The following SLC25A48 variants were observed in gnomAD, a reference collection of about 807,000 sequenced individuals.
SLC25A48 encodes CTC-321K16.1.
A neutral mutation model predicts 32.2 loss-of-function variants in SLC25A48; 29 were observed. The observed-to-expected ratio is 0.90, with a 90% confidence interval of 0.67 to 1.23. The LOEUF is 1.23. SLC25A48 is among the 50% of genes most tolerant of loss of function. SLC25A48 has a pLI of 0.00. For synonymous variants in SLC25A48, 164 were observed against 172.3 expected (o/e 0.95, Z 0.38); for missense variants, 399 against 422.7 (o/e 0.94, Z 0.49).
In SLC25A48 at chr5:135,769,238, CTG is replaced by C. The variant is rs1756333133; in HGVS notation, c.-520-43283_-520-43282del. ...AATATTGTAGGGGGTATGCAGCCCT[CTG>C]TAATTTTGTTTGCAATATTGGGGGG... On this transcript the variant is annotated intron_variant, in intron 3 of 10. Coordinates refer to the SLC25A48 transcript ENST00000646290. Among the ~76,000 whole-genome samples, 7 of 100,194 alleles carry C rather than the reference CTG, an allele frequency of 7.0e-5. No homozygotes were observed. The South Asian group carries it at 2.6e-3, about 37-fold the overall frequency. The allele number at this position is 100,194 out of a possible 152,430, so 65.7% of individuals were successfully genotyped here.
At chr5:135,641,257 A>C (rs1752830470) in intron 3 of SLC25A48, among the ~76,000 whole-genome samples, 1 of 152,246 alleles carries the variant, frequency 6.6e-6, no homozygotes, top group Admixed American at 6.5e-5. Context: ...GTCATGGAGA[A>C]ATAAATGTAG....
intron 3 of SLC25A48, among the ~76,000 whole-genome samples, chr5:135,791,762 G>T (rs543940434): frequency 6.6e-6 from 1 of 151,454 alleles, no homozygotes; most frequent in Non-Finnish European, 1.5e-5. Context: ...TGTCACAGGG[G>T]TTGTCTTTCC....
At chr5:135,630,712 C>T (rs1484350118) in intron 2 of SLC25A48, among the ~76,000 whole-genome samples, 2 of 146,788 alleles carry the variant, frequency 1.4e-5, no homozygotes, top group African/African-American at 2.5e-5. Flanking sequence ...AGTGATTCTC[C>T]TGCCTCAGTC....
intron 3 of SLC25A48, among the ~76,000 whole-genome samples, chr5:135,754,761 G>A (rs544949556): frequency 7.0e-6 from 1 of 143,562 alleles, no homozygotes; most frequent in Non-Finnish European, 1.5e-5. Context: ...TTATAATATC[G>A]AGTGTTTATA....
chr5:135,692,396 A>AC (rs5871574), intron 3 of SLC25A48, among the ~76,000 whole-genome samples: 119,411 of 151,514 alleles, frequency 0.79, 47,500 homozygotes, highest in Middle Eastern at 0.88. Flanking sequence ...GGATGAGCCA[A>AC]AAGGAGGGCC....
intron 3 of SLC25A48, among the ~76,000 whole-genome samples, chr5:135,680,204 G>A (rs1361801338): frequency 6.6e-6 from 1 of 152,180 alleles, no homozygotes; most frequent in Non-Finnish European, 1.5e-5. Flanking sequence ...TATGAAGGAG[G>A]TGAGTACCAG....
At chr5:135,737,484 A>T (rs1210542081) in intron 3 of SLC25A48, among the ~76,000 whole-genome samples, 1 of 152,204 alleles carries the variant, frequency 6.6e-6, no homozygotes, top group Non-Finnish European at 1.5e-5. Context: ...CAGAGACCTG[A>T]CATGGAGGAC....
intron 1 of SLC25A48, among the ~76,000 whole-genome samples, chr5:135,624,825 T>C (rs990765922): frequency 1.3e-5 from 2 of 152,248 alleles, no homozygotes; most frequent in Non-Finnish European, 2.9e-5. Flanking sequence ...TGGAGAAGTT[T>C]GCTTTTATGT....
intron 3 of SLC25A48, among the ~76,000 whole-genome samples, chr5:135,739,786 T>C (rs1353784515): frequency 6.6e-6 from 1 of 152,242 alleles, no homozygotes; most frequent in Non-Finnish European, 1.5e-5. Flanking sequence ...ACTTCTTTTT[T>C]TTTTTAAACT....
At chr5:135,658,532 G>A (rs1288849202) in intron 3 of SLC25A48, among the ~76,000 whole-genome samples, 1 of 152,160 alleles carries the variant, frequency 6.6e-6, no homozygotes, top group East Asian at 1.9e-4. Context: ...CCATTCTGGG[G>A]TCTGGAGGAT....
intron 4 of SLC25A48, among the ~76,000 whole-genome samples, chr5:135,853,409 C>T (rs993184988): frequency 6.6e-6 from 1 of 152,318 alleles, no homozygotes; most frequent in African/African-American, 2.4e-5. Flanking sequence ...AAATTGGAGT[C>T]AGTCCTCTCA....
At chr5:135,845,768 G>C (rs1421472039) in intron 2 of SLC25A48, among the ~76,000 whole-genome samples, 9 of 152,220 alleles carry the variant, frequency 5.9e-5, no homozygotes, top group Non-Finnish European at 2.9e-5. Context: ...CAGGGAGGCA[G>C]ACAGTCACTT....
upstream of SLC25A48, among the ~76,000 whole-genome samples, chr5:135,829,987 A>G (rs1313788833): frequency 1.8e-5 from 2 of 112,160 alleles, no homozygotes; most frequent in African/African-American, 6.7e-5. Flanking sequence ...TGGGACATTC[A>G]AGGCTTCGAT....
chr5:135,850,279 C>G (rs1759735212), intron 2 of SLC25A48, 146 bp from the exon 3 acceptor site: 5 of 701,784 alleles, frequency 7.1e-6, no homozygotes, highest in Non-Finnish European at 1.0e-5. Context: ...AAGCTGGAGA[C>G]AGGGCACCAG....
At chr5:135,719,720 A>C (rs1381718270) in intron 3 of SLC25A48, among the ~76,000 whole-genome samples, 1 of 152,222 alleles carries the variant, frequency 6.6e-6, no homozygotes, top group East Asian at 1.9e-4. Flanking sequence ...AGCTGAGGGT[A>C]TGGCCTCTCT....
rs1398681642 is a variant in SLC25A48, at chr5:135,747,995, C to G, written c.-520-64528C>G. 2.0e-5 allele frequency among the ~76,000 whole-genome samples: 3 copies of G among 152,308 alleles called. No homozygotes were observed. In the East Asian group the frequency reaches 5.8e-4, roughly 29 times the overall value. On this transcript the variant is annotated intron_variant, in intron 3 of 10. Coordinates refer to the SLC25A48 transcript ENST00000646290. Reference sequence around the variant, plus strand: ...TGCACTTAGTAACACATGGTCCCAGCCAGCACTGAGTTAGATTCCAGACTG... The same window carrying G: ...TGCACTTAGTAACACATGGTCCCAGGCAGCACTGAGTTAGATTCCAGACTG...
chr5:135,628,301 C>T (rs1302495881), intron 1 of SLC25A48, among the ~76,000 whole-genome samples: 1 of 152,138 alleles, frequency 6.6e-6, no homozygotes, highest in Admixed American at 6.5e-5. Context: ...GCTACAACTA[C>T]AGAAGGGGGT....
intron 3 of SLC25A48, among the ~76,000 whole-genome samples, chr5:135,771,396 G>C (rs1756406886): frequency 6.6e-6 from 1 of 151,716 alleles, no homozygotes; most frequent in South Asian, 2.1e-4. Flanking sequence ...TATATCACGG[G>C]GGGTGTTCAC....
In SLC25A48 at chr5:135,828,744, G is replaced by A. The variant is rs1045206433; in HGVS notation, c.-116-13672G>A. Among the ~76,000 whole-genome samples, 20 of 152,316 alleles carry A rather than the reference G, an allele frequency of 1.3e-4. No homozygotes were observed. In the East Asian group the frequency reaches 2.5e-3, roughly 19 times the overall value. On this transcript the variant is annotated intron_variant, in intron 4 of 10. Coordinates refer to the SLC25A48 transcript ENST00000646290. Reference sequence around the variant, plus strand: ...TGAGGACTGCCTCTAGCCTGTAGACGCCACTGCCCACAGAATCATGGCCTA... The same window carrying A: ...TGAGGACTGCCTCTAGCCTGTAGACACCACTGCCCACAGAATCATGGCCTA...
Sources: gnomAD v4.1 joint callset for allele counts (sites outside exome capture counted in the v4.1 genomes callset) on GRCh38, gnomAD v4.1.1 for gene constraint, MANE v1.5 for transcripts, NCBI Gene and HGNC (gene_info 2026-07-23, HGNC 2026-07-21) for gene names.